The following IL15RA variants were observed in gnomAD, a reference collection of about 807,000 sequenced individuals.
The protein encoded by IL15RA is interleukin-15 receptor subunit alpha.
IL15RA carries 26 observed loss-of-function variants against 24.2 expected under a neutral mutation model. The observed-to-expected ratio is 1.07, with a 90% confidence interval of 0.79 to 1.49. The LOEUF is 1.49. Ranked by LOEUF, IL15RA falls within the 40% of genes most tolerant of loss-of-function variation. IL15RA has a pLI of 0.00. For missense variants in IL15RA, 354 were observed against 356.4 expected, an observed-to-expected ratio of 0.99 and a Z score of 0.05; for synonymous variants, 166 against 157.6, an observed-to-expected ratio of 1.05 and a Z score of -0.40.
Position 5,968,083 on chromosome 10 carries a change from A to C in IL15RA, c.89-1744T>G, listed in dbSNP as rs1251570199. Reference sequence around the variant, plus strand: ...CAAACAAACAGAAAACCCCCCAAAAACCAACAAACCAACCAAACAAAAAAC... The same window carrying C: ...CAAACAAACAGAAAACCCCCCAAAACCCAACAAACCAACCAAACAAAAAAC... On this transcript the variant is annotated intron_variant, in intron 1 of 6. Coordinates refer to ENST00000379977, the MANE Select transcript of IL15RA (RefSeq NM_002189.4). This position sits in a 1 kb window ranked among gnomAD's most constrained non-coding sequence, Gnocchi z 5.4. Among the ~76,000 whole-genome samples, 1 of 152,082 alleles carries C rather than the reference A, an allele frequency of 6.6e-6. No homozygotes were observed. The highest frequency in any genetic ancestry group is 1.5e-5 in the Non-Finnish European group (1 of 68,004).
At position 5,960,296 on chromosome 10, in the gene IL15RA, C is replaced by T. The variant is rs1214101074; in HGVS notation, c.583+71G>A. 7.3e-7 allele frequency: 1 copy of T among 1,377,758 alleles called. No homozygotes were observed. The highest frequency in any genetic ancestry group is 1.0e-6 in the Non-Finnish European group (1 of 968,260). 85.3% of individuals were successfully genotyped at this position (1,377,758 alleles called of 1,614,324 possible). A position where few individuals can be genotyped will look rare whatever the true frequency, so the allele number is the denominator to read the frequency against. Reference sequence around the variant, plus strand: ...ATTGATGGTATAAAGCTGCCTTGTGCCGGATCTCAGCCCCGATCTCAGAAG... The same window carrying T: ...ATTGATGGTATAAAGCTGCCTTGTGTCGGATCTCAGCCCCGATCTCAGAAG... On this transcript the variant is annotated intron_variant, in intron 4 of 6. Transcript: ENST00000379977. This position sits in a 1 kb window ranked among gnomAD's most constrained non-coding sequence, Gnocchi z 5.1.
rs1334873002 is a variant in IL15RA, at chr10:5,955,408, T to A, written c.692+971A>T. On this transcript the variant is annotated intron_variant, in intron 6 of 6. Coordinates refer to ENST00000379977, the MANE Select transcript of IL15RA (RefSeq NM_002189.4). This position sits in a 1 kb window ranked among gnomAD's most constrained non-coding sequence, Gnocchi z 5.3. The stretch of plus-strand genomic sequence containing the variant: ...GCTACCGTGCCCAGCCAGGGTCACA[T>A]AATTTTTATATTGATATCACATTTA... Among the ~76,000 whole-genome samples, 1 of 152,160 alleles carries A rather than the reference T, an allele frequency of 6.6e-6. No homozygotes were observed. Among genetic ancestry groups the A allele is most frequent in the Non-Finnish European group, 1.5e-5 (1 of 68,032 alleles).
In IL15RA at chr10:5,966,171, C is replaced by T; in HGVS notation, c.257G>A (p.Trp86Ter). The change falls in exon 2 of 7, where the codon TGG becomes TAG. Residue 86 changes from tryptophan (W) to a stop codon, truncating the protein, a stop_gained. Coordinates refer to ENST00000379977, the MANE Select transcript of IL15RA (RefSeq NM_002189.4). LOFTEE classifies it high-confidence loss of function. This position sits in a 1 kb window ranked among gnomAD's most constrained non-coding sequence, Gnocchi z 6.4. ...VLNKATNVAH[W>*]TTPSLKCIRD... Reference sequence around the variant, plus strand: ...AATGCATTTGAGACTGGGGGTTGTCCAGTGGGCGACATTCGTGGCCTTGTT... The same window carrying T: ...AATGCATTTGAGACTGGGGGTTGTCTAGTGGGCGACATTCGTGGCCTTGTT... 6.2e-7 allele frequency: 1 copy of T among 1,611,480 alleles called. No homozygotes were observed. Among genetic ancestry groups the T allele is most frequent in the Admixed American group, 1.7e-5 (1 of 59,962 alleles).
rs1326939358 is a variant in IL15RA, at chr10:5,953,330, C to G, written c.693-124G>C. Reference sequence around the variant, plus strand: ...ATGGCAGGAGCAGACAGAGGCCCTGCCACGGGAGTCAGACAGAGAGCACTT... The same window carrying G: ...ATGGCAGGAGCAGACAGAGGCCCTGGCACGGGAGTCAGACAGAGAGCACTT... On this transcript the variant is annotated intron_variant, in intron 6 of 6. Transcript: ENST00000379977. This position sits in a 1 kb window ranked among gnomAD's most constrained non-coding sequence, Gnocchi z 5.3. The G allele has an allele frequency of 1.3e-5, 10 of 749,414 alleles. No individual in the cohort carries two copies. The highest frequency in any genetic ancestry group is 2.2e-5 in the Non-Finnish European group (9 of 412,206). The allele number at this position is 749,414 out of a possible 1,614,324, so 46.4% of individuals were successfully genotyped here.
In IL15RA at chr10:5,968,776, C is replaced by T. The variant is rs1459745022; in HGVS notation, c.89-2437G>A. ...CCTCCATGATAGATGGCTGTGCTAC[C>T]TGCTTGCTGCCTGCTTGTCCGATGG... On this transcript the variant is annotated intron_variant, in intron 1 of 6. Transcript: ENST00000379977. The surrounding 1 kb of genome is among the most constrained non-coding windows in gnomAD (Gnocchi z 5.4). 1.4e-6 allele frequency: 1 copy of T among 704,560 alleles called. No individual in the cohort carries two copies. Among genetic ancestry groups the T allele is most frequent in the South Asian group, 1.5e-5 (1 of 67,622 alleles). 43.6% of individuals were successfully genotyped at this position (704,560 alleles called of 1,614,324 possible).
rs1202126603 is a variant in IL15RA, at chr10:5,970,726, TTA to T, written c.89-4389_89-4388del. Among the ~76,000 whole-genome samples the T allele has an allele frequency of 2.7e-5, 4 of 147,390 alleles. No individual in the cohort carries two copies. Among genetic ancestry groups the T allele is most frequent in the African/African-American group, 1.0e-4 (4 of 39,768 alleles). On this transcript the variant is annotated intron_variant, in intron 1 of 6. Transcript: ENST00000379977. The surrounding 1 kb of genome is among the most constrained non-coding windows in gnomAD (Gnocchi z 4.1). The stretch of plus-strand genomic sequence containing the variant: ...ATTTTATTTTTAAAATGATTTTATT[TTA>T]TTTCATTATTATTTTATTTTATTTT...
chr10:5,953,645 G>A lies in IL15RA; in HGVS notation c.693-439C>T, dbSNP rs959353956. Among the ~76,000 whole-genome samples, 2 of 152,186 alleles carry A rather than the reference G, an allele frequency of 1.3e-5. No individual in the cohort carries two copies. Among genetic ancestry groups the A allele is most frequent in the African/African-American group, 4.8e-5 (2 of 41,438 alleles). On this transcript the variant is annotated intron_variant, in intron 6 of 6. Transcript: ENST00000379977. The surrounding 1 kb of genome is among the most constrained non-coding windows in gnomAD (Gnocchi z 5.3). Reference sequence around the variant, plus strand: ...CGCTTTGCCAGTCCTCTGCCAAAAAGCCATTCAAATGGCAGGAACAAGAGA... The same window carrying A: ...CGCTTTGCCAGTCCTCTGCCAAAAAACCATTCAAATGGCAGGAACAAGAGA...
chr10:5,969,359 TTA>T, intron 1 of IL15RA, among the ~76,000 whole-genome samples: 1 of 928 alleles, frequency 1.1e-3, no homozygotes, highest in South Asian at 0.028. Flanking sequence ...ATTTTTTAAA[TTA>T]AATTAAATTA....
In IL15RA at chr10:5,955,348, C is replaced by G. The variant is rs1381659962; in HGVS notation, c.692+1031G>C. 6.6e-6 allele frequency among the ~76,000 whole-genome samples: 1 copy of G among 152,142 alleles called. No individual in the cohort carries two copies. The highest frequency in any genetic ancestry group is 6.6e-5 in the Admixed American group (1 of 15,266). On this transcript the variant is annotated intron_variant, in intron 6 of 6. Coordinates refer to ENST00000379977, the MANE Select transcript of IL15RA (RefSeq NM_002189.4). This position sits in a 1 kb window ranked among gnomAD's most constrained non-coding sequence, Gnocchi z 5.3. ...TCCTGACCTCACGCGATCTGCCTGC[C>G]TTGGCCTCCCGAAGTGCTGGGATTA... is the stretch of plus-strand genomic sequence containing the variant.
chr10:5,957,776 GA>G (rs1158301893), intron 5 of IL15RA, among the ~76,000 whole-genome samples: 4 of 151,958 alleles, frequency 2.6e-5, no homozygotes, highest in African/African-American at 9.7e-5. Context: ...ATTTTTGGTA[GA>G]GATGGTGTTT....
chr10:5,960,148 G>A lies in IL15RA; in HGVS notation c.583+219C>T, dbSNP rs1053791472. On this transcript the variant is annotated intron_variant, in intron 4 of 6. Coordinates refer to ENST00000379977, the MANE Select transcript of IL15RA (RefSeq NM_002189.4). This position sits in a 1 kb window ranked among gnomAD's most constrained non-coding sequence, Gnocchi z 5.1. Reference sequence around the variant, plus strand: ...AAGGCTGGCCCTGTCACATCTTGGGGGGGTGTGGGCTTGCTTTTGCAGCTG... The same window carrying A: ...AAGGCTGGCCCTGTCACATCTTGGGAGGGTGTGGGCTTGCTTTTGCAGCTG... Among the ~76,000 whole-genome samples, 11 of 152,224 alleles carry A rather than the reference G, an allele frequency of 7.2e-5. No individual in the cohort carries two copies. Among genetic ancestry groups the A allele is most frequent in the Non-Finnish European group, 1.2e-4 (8 of 68,042 alleles).
intron 1 of IL15RA, among the ~76,000 whole-genome samples, chr10:5,976,615 C>G (rs568257787): frequency 2.0e-5 from 3 of 152,268 alleles, no homozygotes; most frequent in Admixed American, 2.0e-4. Flanking sequence ...AGAGCTAGAC[C>G]CTGCTACTGT....
chr10:5,952,243 C>T (rs530566194), downstream of IL15RA: 16 of 152,332 alleles, frequency 1.1e-4, no homozygotes, highest in African/African-American at 3.9e-4. Context: ...AAACTGTGAC[C>T]GGAGCCAGCT....
At position 5,964,367 on chromosome 10, in the gene IL15RA, A is replaced by G. The variant is rs566494239; in HGVS notation, c.284-526T>C. Among the ~76,000 whole-genome samples, 8 of 152,172 alleles carry G rather than the reference A, an allele frequency of 5.3e-5. No individual in the cohort carries two copies. Among genetic ancestry groups the G allele is most frequent in the African/African-American group, 1.4e-4 (6 of 41,524 alleles). ...TTTTTGGTAGAGACAGGGTCTTGCT[A>G]TGTTGCTGAGGCTGGTCTCGAACTC... On this transcript the variant is annotated intron_variant, in intron 2 of 6. Transcript: ENST00000379977. This position sits in a 1 kb window ranked among gnomAD's most constrained non-coding sequence, Gnocchi z 5.6.
In IL15RA at chr10:5,967,503, A is replaced by G. The variant is rs1836783893; in HGVS notation, c.89-1164T>C. The stretch of plus-strand genomic sequence containing the variant: ...CAGGTGTGAGCCACCGCACCCGGCC[A>G]AGATCAGATCATTCCTTTGCAACTG... On this transcript the variant is annotated intron_variant, in intron 1 of 6. Coordinates refer to ENST00000379977, the MANE Select transcript of IL15RA (RefSeq NM_002189.4). The surrounding 1 kb of genome is among the most constrained non-coding windows in gnomAD (Gnocchi z 4.4). Among the ~76,000 whole-genome samples the G allele has an allele frequency of 2.0e-5, 3 of 152,292 alleles. No homozygotes were observed. Among genetic ancestry groups the G allele is most frequent in the African/African-American group, 7.2e-5 (3 of 41,574 alleles).
rs1440196155 is a variant in IL15RA, at chr10:5,975,338, G to T, written c.88+2067C>A. Among the ~76,000 whole-genome samples, 1 of 152,168 alleles carries T rather than the reference G, an allele frequency of 6.6e-6. No homozygotes were observed. Among genetic ancestry groups the T allele is most frequent in the Non-Finnish European group, 1.5e-5 (1 of 68,046 alleles). ...TCTGTGAAAAAAGCCAAACAAGAAA[G>T]AGTTCCTACCGTGTAATTCTATTTA... On this transcript the variant is annotated intron_variant, in intron 1 of 6. Transcript: ENST00000379977. This position sits in a 1 kb window ranked among gnomAD's most constrained non-coding sequence, Gnocchi z 4.8.
Position 5,964,361 on chromosome 10 carries a change from CT to C in IL15RA, c.284-521del. On this transcript the variant is annotated intron_variant, in intron 2 of 6. Coordinates refer to ENST00000379977, the MANE Select transcript of IL15RA (RefSeq NM_002189.4). This position sits in a 1 kb window ranked among gnomAD's most constrained non-coding sequence, Gnocchi z 5.6. ...TTAATTTTTTTGGTAGAGACAGGGT[CT>C]TGCTATGTTGCTGAGGCTGGTCTCG... 6.6e-6 allele frequency among the ~76,000 whole-genome samples: 1 copy of C among 152,214 alleles called. No homozygotes were observed. Among genetic ancestry groups the C allele is most frequent in the Middle Eastern group, 3.4e-3 (1 of 294 alleles).
chr10:5,954,168 CTTTT>C (rs750550552), intron 6 of IL15RA, among the ~76,000 whole-genome samples: 3 of 105,246 alleles, frequency 2.9e-5, no homozygotes, highest in African/African-American at 1.2e-4. Flanking sequence ...ACCAATTCTT[CTTTT>C]TTTTTTTTTT....
chr10:5,954,358 G>A (rs906610275), intron 6 of IL15RA, among the ~76,000 whole-genome samples: 13 of 152,022 alleles, frequency 8.6e-5, no homozygotes, highest in Non-Finnish European at 1.3e-4. Context: ...ATGCACTTCA[G>A]CCTCCCAAAG....
Sources: allele counts gnomAD v4.1 joint callset (sites outside exome capture counted in the v4.1 genomes callset), GRCh38; gene constraint gnomAD v4.1.1; non-coding constraint Gnocchi (gnomAD v3.1); transcripts MANE v1.5; gene names NCBI Gene and HGNC (gene_info 2026-07-23, HGNC 2026-07-21).